VAV3: variants seen among roughly 807,000 people sequenced by gnomAD.
The protein encoded by VAV3 is guanine nucleotide exchange factor VAV3.
Under a neutral mutation model 131.2 loss-of-function variants are expected in VAV3, and 94 were observed. The observed-to-expected ratio is 0.72, with a 90% CI of 0.61 to 0.85. The LOEUF (loss-of-function observed/expected upper bound fraction) is 0.85, where lower values mean the gene tolerates loss of function less well. Ranked by LOEUF, VAV3 falls within the 40% of genes least tolerant of loss-of-function variation. The pLI is 0.00. For synonymous variants in VAV3, 349 were observed against 342.0 expected (o/e 1.02, Z -0.22); for missense variants, 939 against 1,002.7 (o/e 0.94, Z 0.86).
intron 2 of VAV3, among the ~76,000 whole-genome samples, chr1:107,811,006 C>T (rs1667291189): frequency 1.3e-5 from 2 of 152,040 alleles, no homozygotes; most frequent in African/African-American, 4.8e-5. Context: ...ACGGTCTTTA[C>T]ATTTTGGGGA....
chr1:107,683,483 C>T lies in VAV3; in HGVS notation c.1777+5G>A. 6.2e-7 allele frequency: 1 copy of T among 1,613,926 alleles called. No individual in the cohort carries two copies. The highest frequency in any genetic ancestry group is 8.5e-7 in the Non-Finnish European group (1 of 1,179,842). On this transcript the variant is annotated splice_donor_5th_base_variant and intron_variant, in intron 19 of 26. Coordinates refer to ENST00000370056, the MANE Select transcript of VAV3 (RefSeq NM_006113.5). Reference sequence around the variant, plus strand: ...TAATTATGGAAGGTTTAATCAGAAACACACCTGGATCCACCTGTTTAGGAG... The same window carrying T: ...TAATTATGGAAGGTTTAATCAGAAATACACCTGGATCCACCTGTTTAGGAG...
Position 107,599,983 on chromosome 1 carries a change from CAATT to C in VAV3, c.2220+2410_2220+2413del, listed in dbSNP as rs1321445382. ...TCTTGATTTTGAGAAACCTTCACAC[CAATT>C]AATCATCTTCTACCTCCTTCCAGAA... On this transcript the variant is annotated intron_variant, in intron 24 of 26. Coordinates refer to ENST00000370056, the MANE Select transcript of VAV3 (RefSeq NM_006113.5). Among the ~76,000 whole-genome samples the C allele has an allele frequency of 5.9e-5, 9 of 151,940 alleles. No individual in the cohort carries two copies. In the East Asian group the frequency reaches 1.2e-3, roughly 20 times the overall value.
At chr1:107,946,000 G>A (rs568484859) in intron 1 of VAV3, among the ~76,000 whole-genome samples, 73 of 152,168 alleles carry the variant, frequency 4.8e-4, no homozygotes, top group Non-Finnish European at 7.4e-5. Context: ...TGGAATGAGC[G>A]AGAGGAGGGA....
chr1:107,952,468 T>TTATA (rs1161088981), intron 1 of VAV3, among the ~76,000 whole-genome samples: 14,690 of 118,864 alleles, frequency 0.12, 1,262 homozygotes, highest in Middle Eastern at 0.18. Flanking sequence ...TAACAAAACT[T>TTATA]TATATATATA....
intron 2 of VAV3, among the ~76,000 whole-genome samples, chr1:107,819,059 T>C (rs564576606): frequency 1.2e-4 from 19 of 152,214 alleles, no homozygotes; most frequent in Non-Finnish European, 2.1e-4. Flanking sequence ...AACTCAAGTT[T>C]GGAAAAAAAA....
chr1:107,641,881 T>C (rs1277401496), intron 20 of VAV3, among the ~76,000 whole-genome samples: 1 of 152,160 alleles, frequency 6.6e-6, no homozygotes, highest in African/African-American at 2.4e-5. Flanking sequence ...TGATAGTATT[T>C]TTCTCTAGTG....
rs1014598719 is a variant in VAV3, at chr1:107,766,485, G to T, written c.783C>A (p.Asp261Glu). 1.2e-6 allele frequency: 2 copies of T among 1,613,302 alleles called. No individual in the cohort carries two copies. Among genetic ancestry groups the T allele is most frequent in the Admixed American group, 1.7e-5 (1 of 59,896 alleles). ...TAATAAAAACTTGGTACAAGTTCTG[G>T]TCATTTTTATTTACAATGGAATCAT... ...EIHDSIVNKN[D>E]QNLYQVFINY... is the part of the protein sequence containing the mutation. The change falls in exon 8 of 27, where the codon GAC becomes GAA. Residue 261 changes from aspartate to glutamate, a missense_variant. Asp to Glu is a conservative substitution (Grantham distance 45). Transcript: ENST00000370056.
chr1:107,630,079 T>C lies in VAV3; in HGVS notation c.1915-12447A>G, dbSNP rs1654336784. 2.0e-5 allele frequency among the ~76,000 whole-genome samples: 3 copies of C among 152,192 alleles called. No individual in the cohort carries two copies. In the South Asian group the frequency reaches 6.2e-4, roughly 31 times the overall value. The stretch of plus-strand genomic sequence containing the variant: ...AGCCATTGTAACATCTCGATAAGTT[T>C]TCTAGATTTTTATCTATAGGTTTAA... On this transcript the variant is annotated intron_variant, in intron 20 of 26. Transcript: ENST00000370056.
chr1:107,795,714 AG>A (rs1460875166), intron 2 of VAV3, among the ~76,000 whole-genome samples: 1 of 152,236 alleles, frequency 6.6e-6, no homozygotes, highest in Non-Finnish European at 1.5e-5. Context: ...CATTTGCATA[AG>A]TCGTTAGGGC....
intron 22 of VAV3, among the ~76,000 whole-genome samples, chr1:107,607,686 C>A (rs994661670): frequency 2.0e-5 from 3 of 152,180 alleles, no homozygotes; most frequent in Non-Finnish European, 4.4e-5. Flanking sequence ...TAGGATAGTT[C>A]CCCAGTTTGC....
At chr1:107,647,908 C>G (rs1016793060) in intron 19 of VAV3, among the ~76,000 whole-genome samples, 2 of 152,014 alleles carry the variant, frequency 1.3e-5, no homozygotes, top group Non-Finnish European at 2.9e-5. Flanking sequence ...GCCTGGGATG[C>G]TAGGTGCTGG....
At chr1:107,723,324 G>A (rs183869478) in intron 15 of VAV3, among the ~76,000 whole-genome samples, 38 of 152,092 alleles carry the variant, frequency 2.5e-4, no homozygotes, top group African/African-American at 9.2e-4. Context: ...ATGCTGTGTT[G>A]CTGCCCTTCT....
At chr1:107,842,975 A>G (rs529310881) in intron 2 of VAV3, among the ~76,000 whole-genome samples, 1 of 152,170 alleles carries the variant, frequency 6.6e-6, no homozygotes, top group East Asian at 1.9e-4. Flanking sequence ...TGAGAGCAGA[A>G]GCAGACCTAC....
At chr1:107,950,776 A>C (rs1343310657) in intron 1 of VAV3, among the ~76,000 whole-genome samples, 3 of 152,208 alleles carry the variant, frequency 2.0e-5, no homozygotes, top group Non-Finnish European at 2.9e-5. Context: ...GTACACAGTC[A>C]AGACCAGATG....
intron 2 of VAV3, among the ~76,000 whole-genome samples, chr1:107,809,602 G>A (rs545494955): frequency 6.8e-6 from 1 of 147,390 alleles, no homozygotes; most frequent in East Asian, 2.1e-4. Flanking sequence ...TAAGGGAAAG[G>A]ACCAGAAAAT....
At chr1:107,824,809 C>T (rs1394013060) in intron 2 of VAV3, among the ~76,000 whole-genome samples, 1 of 151,846 alleles carries the variant, frequency 6.6e-6, no homozygotes, top group African/African-American at 2.4e-5. Context: ...ATTTACTAGG[C>T]CCCATGCAGA....
intron 2 of VAV3, among the ~76,000 whole-genome samples, chr1:107,822,689 TAATA>T (rs1667850914): frequency 7.8e-6 from 1 of 128,330 alleles, no homozygotes; most frequent in Admixed American, 7.7e-5. Flanking sequence ...AATAAATAAA[TAATA>T]AAAAAATAAT....
chr1:107,682,266 G>A (rs1399780034), intron 19 of VAV3, among the ~76,000 whole-genome samples: 6 of 151,842 alleles, frequency 4.0e-5, no homozygotes, highest in Admixed American at 3.3e-4. Context: ...CCTGAGGGGA[G>A]AAGAAAGAAA....
intron 2 of VAV3, among the ~76,000 whole-genome samples, chr1:107,793,012 CA>C (rs1214221134): frequency 6.6e-6 from 1 of 152,012 alleles, no homozygotes; most frequent in Non-Finnish European, 1.5e-5. Flanking sequence ...TTACCTCACC[CA>C]AACAAAAATG....
Sources: gnomAD v4.1 joint callset for allele counts (sites outside exome capture counted in the v4.1 genomes callset) on GRCh38, gnomAD v4.1.1 for gene constraint, MANE v1.5 for transcripts, NCBI Gene and HGNC (gene_info 2026-07-23, HGNC 2026-07-21) for gene names.